Variants in TMEFF1 observed in about 807,000 individuals in gnomAD.
TMEFF1 encodes tomoregulin-1.
In TMEFF1, 20 loss-of-function variants were observed where a neutral mutation model predicts 47.5. The ratio of observed to expected loss-of-function variants is 0.42; its 90% CI spans 0.30 to 0.61. The LOEUF (loss-of-function observed/expected upper bound fraction) is 0.61, where lower values mean the gene tolerates loss of function less well. Ranked by LOEUF, TMEFF1 falls within the 20% of genes least tolerant of loss-of-function variation. TMEFF1 has a pLI of 0.19. For missense variants in TMEFF1, 411 were observed against 471.1 expected (o/e 0.87, Z 1.18); for synonymous variants, 162 against 166.3 (o/e 0.97, Z 0.20).
At chr9:100,527,747 A>T (rs1348985654) in intron 5 of TMEFF1, among the ~76,000 whole-genome samples, 1 of 152,238 alleles carries the variant, frequency 6.6e-6, no homozygotes, top group Non-Finnish European at 1.5e-5. Context: ...CCACAGCTCA[A>T]GGAGGCCTGC....
intron 1 of TMEFF1, among the ~76,000 whole-genome samples, chr9:100,484,463 C>T (rs1218176821): frequency 7.9e-5 from 12 of 151,928 alleles, no homozygotes; most frequent in South Asian, 2.1e-4. Context: ...GGATTATAAG[C>T]GCCCGCCACC....
intron 1 of TMEFF1, among the ~76,000 whole-genome samples, chr9:100,486,167 A>C (rs1366992830): frequency 6.6e-6 from 1 of 152,184 alleles, no homozygotes; most frequent in Non-Finnish European, 1.5e-5. Context: ...GGAATATGGA[A>C]AAATATGAAG....
chr9:100,485,255 C>T (rs1399364717), intron 1 of TMEFF1, among the ~76,000 whole-genome samples: 1 of 152,120 alleles, frequency 6.6e-6, no homozygotes, highest in Non-Finnish European at 1.5e-5. Context: ...AATAATGCCA[C>T]CATGGATATT....
intron 2 of TMEFF1, among the ~76,000 whole-genome samples, chr9:100,503,725 A>T (rs1837808375): frequency 6.6e-6 from 1 of 152,156 alleles, no homozygotes; most frequent in Admixed American, 6.5e-5. Context: ...CCAGGAGAAG[A>T]TCGATGTCCT....
intron 1 of TMEFF1, among the ~76,000 whole-genome samples, chr9:100,496,872 C>T (rs72735146): frequency 0.016 from 2,504 of 152,306 alleles, 35 homozygotes; most frequent in Non-Finnish European, 0.024. Flanking sequence ...AAGACAAATG[C>T]ACTGTATTTC....
rs1175102040 is a variant in TMEFF1, at chr9:100,528,895, G to A, written c.560+12124G>A. ...CCATCAGACTAACAGCAGATCTCTC[G>A]GCAGAAACCCTACAAGCCAGAAGAG... On this transcript the variant is annotated intron_variant, in intron 5 of 9. Transcript: ENST00000374879. Among the ~76,000 whole-genome samples, 571 of 140,790 alleles carry A rather than the reference G, an allele frequency of 4.1e-3. 3 individuals carry two copies. The highest frequency in any genetic ancestry group is 0.013 in the African/African-American group (506 of 37,730). 92.4% of individuals were successfully genotyped at this position (140,790 alleles called of 152,430 possible). A position where few individuals can be genotyped will look rare whatever the true frequency, so the allele number is the denominator to read the frequency against.
intron 5 of TMEFF1, among the ~76,000 whole-genome samples, chr9:100,536,238 A>G (rs1253191585): frequency 6.6e-6 from 1 of 152,158 alleles, no homozygotes; most frequent in Non-Finnish European, 1.5e-5. Context: ...TCTTTAGTAG[A>G]AAAAAATAGG....
intron 7 of TMEFF1, among the ~76,000 whole-genome samples, chr9:100,554,484 C>G (rs1838880833): frequency 6.6e-6 from 1 of 151,808 alleles, no homozygotes; most frequent in African/African-American, 2.4e-5. Flanking sequence ...GTAATGTGGC[C>G]TTGGTACATC....
chr9:100,547,948 C>T (rs1295033508), intron 6 of TMEFF1, 56 bp downstream of exon 6: 2 of 1,379,808 alleles, frequency 1.4e-6, no homozygotes, highest in Admixed American at 5.5e-5. Context: ...TAAATGTAAT[C>T]TTATTTGTAC....
At chr9:100,555,225 A>G (rs1331597188) in intron 7 of TMEFF1, among the ~76,000 whole-genome samples, 5 of 151,992 alleles carry the variant, frequency 3.3e-5, no homozygotes, top group Admixed American at 6.6e-5. Flanking sequence ...GCAACAGACT[A>G]GCAGTTGCAG....
At chr9:100,499,021 C>T in intron 2 of TMEFF1, 147 bp downstream of exon 2, 3 of 723,222 alleles carry the variant, frequency 4.1e-6, no homozygotes, top group Non-Finnish European at 6.7e-6. Flanking sequence ...CAGATGATGC[C>T]CTGTTATTTG....
intron 1 of TMEFF1, among the ~76,000 whole-genome samples, chr9:100,477,282 G>A (rs1352538850): frequency 6.6e-6 from 1 of 152,186 alleles, no homozygotes; most frequent in Admixed American, 6.5e-5. Context: ...TCAACCAGAT[G>A]TTCAACTAGC....
intron 5 of TMEFF1, among the ~76,000 whole-genome samples, chr9:100,532,246 C>G (rs1169794088): frequency 6.6e-6 from 1 of 152,022 alleles, no homozygotes; most frequent in African/African-American, 2.4e-5. Context: ...CAAATGGGAT[C>G]TAATTAAACT....
chr9:100,492,088 G>A lies in TMEFF1; in HGVS notation c.197-6677G>A, dbSNP rs546187597. Among the ~76,000 whole-genome samples the A allele has an allele frequency of 4.3e-4, 66 of 152,212 alleles. 1 individual carries two copies. In the South Asian group the frequency reaches 0.013, roughly 30 times the overall value. On this transcript the variant is annotated intron_variant, in intron 1 of 9. Coordinates refer to ENST00000374879, the MANE Select transcript of TMEFF1 (RefSeq NM_003692.5). ...TTTAGTAGAGACGGGGTTTCATCAC[G>A]TTGGCCAGGCTGGTCTTGAACTCTT...
At chr9:100,571,509 A>G (rs1016252422) in intron 8 of TMEFF1, among the ~76,000 whole-genome samples, 2 of 152,152 alleles carry the variant, frequency 1.3e-5, no homozygotes, top group East Asian at 1.9e-4. Flanking sequence ...GAGGTAATGC[A>G]TATGTTAATT....
intron 1 of TMEFF1, among the ~76,000 whole-genome samples, chr9:100,484,338 G>A (rs1478112686): frequency 6.8e-6 from 1 of 146,506 alleles, no homozygotes; most frequent in African/African-American, 2.5e-5. Context: ...TTTTTTTTGA[G>A]ATGGAGTCTC....
intron 8 of TMEFF1, among the ~76,000 whole-genome samples, chr9:100,564,841 A>G (rs979905509): frequency 6.6e-6 from 1 of 152,252 alleles, no homozygotes; most frequent in Admixed American, 6.5e-5. Flanking sequence ...TGTGAGGCTG[A>G]GAAAATAAAT....
chr9:100,500,918 T>C (rs1174263030), intron 2 of TMEFF1, among the ~76,000 whole-genome samples: 2 of 152,202 alleles, frequency 1.3e-5, no homozygotes, highest in Non-Finnish European at 2.9e-5. Flanking sequence ...GCAACACAAG[T>C]ATCAATTCAT....
intron 1 of TMEFF1, among the ~76,000 whole-genome samples, chr9:100,481,024 T>C (rs34759817): frequency 0.025 from 3,877 of 152,308 alleles, 64 homozygotes; most frequent in Middle Eastern, 0.034. Flanking sequence ...CACTTTTGCC[T>C]GAGGCCTTTG....
Sources: allele counts gnomAD v4.1 joint callset (sites outside exome capture counted in the v4.1 genomes callset), GRCh38; gene constraint gnomAD v4.1.1; transcripts MANE v1.5; gene names NCBI Gene and HGNC (gene_info 2026-07-23, HGNC 2026-07-21).